Variants in TOP1 observed in about 807,000 individuals in gnomAD.
The protein encoded by TOP1 is DNA topoisomerase 1.
In TOP1, 10 loss-of-function variants were observed where a neutral mutation model predicts 111.1. That is an observed-to-expected ratio of 0.09 (90% CI 0.06 to 0.15). The LOEUF is 0.15. TOP1 is among the 10% of genes least tolerant of loss of function. The pLI, the probability that TOP1 is intolerant of heterozygous loss-of-function variation, is 1.00. For missense variants in TOP1, 474 were observed against 926.7 expected, an observed-to-expected ratio of 0.51 and a Z score of 6.34; for synonymous variants, 271 against 302.9, an observed-to-expected ratio of 0.89 and a Z score of 1.10.
intron 2 of TOP1, among the ~76,000 whole-genome samples, chr20:41,055,880 T>C (rs2033464159): frequency 6.6e-6 from 1 of 152,214 alleles, no homozygotes; most frequent in African/African-American, 2.4e-5. Flanking sequence ...CTCTTGGAAC[T>C]AGGCCAGTCT....
At chr20:41,063,650 A>G (rs540010004) in intron 3 of TOP1, among the ~76,000 whole-genome samples, 1 of 152,226 alleles carries the variant, frequency 6.6e-6, no homozygotes, top group African/African-American at 2.4e-5. Flanking sequence ...GTGAGATGAT[A>G]TCTCATTGTG....
At chr20:41,049,210 A>G (rs2033371552) in intron 2 of TOP1, among the ~76,000 whole-genome samples, 1 of 152,166 alleles carries the variant, frequency 6.6e-6, no homozygotes, top group Admixed American at 6.5e-5. Context: ...GATGTTTAAG[A>G]ACCTAATTCT....
chr20:41,061,465 C>A lies in TOP1; in HGVS notation c.130C>A (p.Arg44=). Residue 44 remains arginine (R), a synonymous_variant, in exon 3 of 21, where the codon CGG becomes AGG. Coordinates refer to ENST00000361337, the MANE Select transcript of TOP1 (RefSeq NM_003286.4). The surrounding 1 kb of genome is among the most constrained non-coding windows in gnomAD (Gnocchi z 4.6). ...CAAAGAACACAAGAAGGAGAAGGAC[C>A]GGGAAAAGTCCAAGCATAGCAACAG... The part of the protein sequence containing the change: ...RHKEHKKEKD[R]EKSKHSNSEH... The A allele has an allele frequency of 1.2e-6, 2 of 1,608,034 alleles. No individual in the cohort carries two copies. The highest frequency in any genetic ancestry group is 1.7e-6 in the Non-Finnish European group (2 of 1,176,540).
chr20:41,117,786 A>G (rs2034357648), intron 17 of TOP1, among the ~76,000 whole-genome samples: 1 of 152,084 alleles, frequency 6.6e-6, no homozygotes, highest in African/African-American at 2.4e-5. Context: ...AGAACTTATG[A>G]ATATGGGCAA....
chr20:41,077,385 C>T (rs1175064532), intron 4 of TOP1, among the ~76,000 whole-genome samples, 197 bp from the exon 5 acceptor site: 1 of 152,180 alleles, frequency 6.6e-6, no homozygotes, highest in Non-Finnish European at 1.5e-5. Context: ...GTGAGTTGGA[C>T]AGTTTCACCC....
intron 2 of TOP1, among the ~76,000 whole-genome samples, chr20:41,035,870 G>C (rs1023511728): frequency 6.6e-6 from 1 of 152,150 alleles, no homozygotes; most frequent in South Asian, 2.1e-4. Context: ...AATCTAGGAG[G>C]CTTCAGGATC....
At chr20:41,062,325 T>C (rs926807074) in intron 3 of TOP1, among the ~76,000 whole-genome samples, 1 of 152,232 alleles carries the variant, frequency 6.6e-6, no homozygotes, top group Non-Finnish European at 1.5e-5. Context: ...CTTGTCTGAT[T>C]GTCTGTAGAC....
At chr20:41,075,591 T>C (rs553401199) in intron 3 of TOP1, among the ~76,000 whole-genome samples, 1 of 152,372 alleles carries the variant, frequency 6.6e-6, no homozygotes, top group Non-Finnish European at 1.5e-5. Context: ...ATATTTTGCT[T>C]TTTAACCTTT....
chr20:41,121,966 A>G lies in TOP1; in HGVS notation c.2046-40A>G. 6.2e-7 allele frequency: 1 copy of G among 1,610,646 alleles called. No individual in the cohort carries two copies. On this transcript the variant is annotated intron_variant, in intron 19 of 20. Transcript: ENST00000361337. This position sits in a 1 kb window ranked among gnomAD's most constrained non-coding sequence, Gnocchi z 4.2. ...ATGGGTACAGTGTGCTCTTGTCTAG[A>G]GCCCAGGCCTGGTTCTTGAGGACTT... is the stretch of plus-strand genomic sequence containing the variant.
At chr20:41,084,425 CTTTA>C (rs760056118) in intron 7 of TOP1, 33 bp from the exon 8 acceptor site, 2 of 1,352,330 alleles carry the variant, frequency 1.5e-6, no homozygotes, top group African/African-American at 1.5e-5. Flanking sequence ...TGTGATCAGT[CTTTA>C]TTTAAGTGCT....
At chr20:41,040,267 A>T (rs990949375) in intron 2 of TOP1, among the ~76,000 whole-genome samples, 2 of 152,272 alleles carry the variant, frequency 1.3e-5, no homozygotes, top group African/African-American at 4.8e-5. Context: ...TATTACTTAC[A>T]GTGGTTTGAA....
chr20:41,042,427 CT>C (rs34966200), intron 2 of TOP1, among the ~76,000 whole-genome samples: 1 of 152,132 alleles, frequency 6.6e-6, no homozygotes, highest in Non-Finnish European at 1.5e-5. Context: ...TCTGATGTTA[CT>C]TTTTCGGATT....
In TOP1 at chr20:41,105,942, C is replaced by G. The variant is rs577173459; in HGVS notation, c.1308+4589C>G. On this transcript the variant is annotated intron_variant, in intron 13 of 20. Coordinates refer to ENST00000361337, the MANE Select transcript of TOP1 (RefSeq NM_003286.4). Reference sequence around the variant, plus strand: ...TTCCAAATTGTTCTCTTAAGTACTTCAGTTTACATCATTACTCTCCTCCTC... The same window carrying G: ...TTCCAAATTGTTCTCTTAAGTACTTGAGTTTACATCATTACTCTCCTCCTC... Among the ~76,000 whole-genome samples the G allele has an allele frequency of 2.6e-5, 4 of 152,108 alleles. No homozygotes were observed. The South Asian group carries it at 8.3e-4, about 32-fold the overall frequency.
chr20:41,112,152 T>C lies in TOP1; in HGVS notation c.1309-630T>C, dbSNP rs1235230234. Among the ~76,000 whole-genome samples the C allele has an allele frequency of 6.6e-6, 1 of 152,222 alleles. No homozygotes were observed. Among genetic ancestry groups the C allele is most frequent in the Non-Finnish European group, 1.5e-5 (1 of 68,028 alleles). ...TAATTATGGCTGTTCCTGGAAGTCATTGTGTCCTTAGTAATTACATGTTGT... is the reference window on the plus strand; with the variant it reads ...TAATTATGGCTGTTCCTGGAAGTCACTGTGTCCTTAGTAATTACATGTTGT... On this transcript the variant is annotated intron_variant, in intron 13 of 20. Transcript: ENST00000361337. The surrounding 1 kb of genome is among the most constrained non-coding windows in gnomAD (Gnocchi z 5.8).
intron 8 of TOP1, among the ~76,000 whole-genome samples, chr20:41,088,585 T>G (rs2033876077): frequency 6.6e-6 from 1 of 152,098 alleles, no homozygotes; most frequent in African/African-American, 2.4e-5. Flanking sequence ...AGGGTGGCGT[T>G]CGGAATCTCC....
In TOP1 at chr20:41,112,819, G is replaced by A. The variant is rs534234650; in HGVS notation, c.1346G>A (p.Arg449Gln). Residue 449 changes from arginine (R) to glutamine (Q), a missense_variant, in exon 14 of 21, where the codon CGG becomes CAG. Physicochemically the swap from Arg to Gln is conservative, Grantham distance 43. This residue lies in a region of TOP1 where 14 missense variants were observed against 22.2 expected (regional missense o/e 0.63). Transcript: ENST00000361337. This position sits in a 1 kb window ranked among gnomAD's most constrained non-coding sequence, Gnocchi z 5.8. Reference sequence around the variant, plus strand: ...TGGCAGAAATACGAGACTGCTCGGCGGCTGAAAAAATGTGTGGACAAGATC... The same window carrying A: ...TGGCAGAAATACGAGACTGCTCGGCAGCTGAAAAAATGTGTGGACAAGATC... ...KDWQKYETAR[R>Q]LKKCVDKIRN... The A allele has an allele frequency of 3.1e-6, 5 of 1,614,206 alleles. No individual in the cohort carries two copies. The highest frequency in any genetic ancestry group is 1.7e-5 in the Admixed American group (1 of 60,022).
intron 2 of TOP1, among the ~76,000 whole-genome samples, chr20:41,052,783 G>A (rs1321188052): frequency 6.6e-6 from 1 of 152,162 alleles, no homozygotes; most frequent in East Asian, 1.9e-4. Flanking sequence ...TTGAGGTCAG[G>A]AGTTCGAGAC....
chr20:41,057,144 T>C (rs1419863367), intron 2 of TOP1, among the ~76,000 whole-genome samples: 2 of 152,014 alleles, frequency 1.3e-5, no homozygotes, highest in Non-Finnish European at 2.9e-5. Context: ...CATGCACCTG[T>C]AGTCTCAGCT....
intron 2 of TOP1, among the ~76,000 whole-genome samples, chr20:41,045,721 ATTG>A (rs1326271257): frequency 1.3e-5 from 2 of 152,236 alleles, no homozygotes; most frequent in African/African-American, 4.8e-5. Flanking sequence ...TATTTGTTAA[ATTG>A]TTATCAGTAA....
Sources: allele counts gnomAD v4.1 joint callset (sites outside exome capture counted in the v4.1 genomes callset), GRCh38; gene constraint gnomAD v4.1.1; regional missense constraint gnomAD v4.1.1; non-coding constraint Gnocchi (gnomAD v3.1); transcripts MANE v1.5; gene names NCBI Gene and HGNC (gene_info 2026-07-23, HGNC 2026-07-21).